Variants in PSD4 observed in about 807,000 individuals in gnomAD.
The protein encoded by PSD4 is PH and SEC7 domain-containing protein 4.
In PSD4, 59 loss-of-function variants were observed where a neutral mutation model predicts 112.5. The ratio of observed to expected loss-of-function variants is 0.52; its 90% CI spans 0.43 to 0.65. The LOEUF (loss-of-function observed/expected upper bound fraction) is 0.65, where lower values mean the gene tolerates loss of function less well. Ranked by LOEUF, PSD4 falls within the 30% of genes least tolerant of loss-of-function variation. The pLI is 0.00. For missense variants in PSD4, 1,267 were observed against 1,352.6 expected, an observed-to-expected ratio of 0.94 and a Z score of 0.99; for synonymous variants, 533 against 540.0, an observed-to-expected ratio of 0.99 and a Z score of 0.18.
intron 5 of PSD4, among the ~76,000 whole-genome samples, chr2:113,188,320 T>C (rs1303708910): frequency 2.0e-5 from 3 of 152,226 alleles, no homozygotes; most frequent in Non-Finnish European, 4.4e-5. Context: ...CTTGGCTCAC[T>C]GCAACCTCTG....
chr2:113,179,714 G>C (rs1688077624), intron 1 of PSD4, among the ~76,000 whole-genome samples: 1 of 152,156 alleles, frequency 6.6e-6, no homozygotes, highest in Non-Finnish European at 1.5e-5. Context: ...AGCCACTCTG[G>C]TTCAAACATC....
At chr2:113,196,113 G>A in intron 11 of PSD4, 34 bp from the exon 12 acceptor site, 2 of 1,593,144 alleles carry the variant, frequency 1.3e-6, no homozygotes, top group South Asian at 1.1e-5. Context: ...TCTTTGCATA[G>A]TCAGCACTTC....
At position 113,193,640 on chromosome 2, in the gene PSD4, T is replaced by A. The variant is rs747616312; in HGVS notation, c.2081T>A (p.Leu694Gln). The A allele has an allele frequency of 6.2e-7, 1 of 1,613,528 alleles. No homozygotes were observed. Among genetic ancestry groups the A allele is most frequent in the South Asian group, 1.1e-5 (1 of 91,072 alleles). The change falls in exon 9 of 17, where the codon CTG (leucine) becomes CAG (glutamine). Residue 694 changes from leucine to glutamine, a missense_variant. Leu to Gln is a moderately radical substitution (Grantham distance 113, BLOSUM62 -2). Around this residue, in one of 2 missense-constraint regions of PSD4, gnomAD observed 544 missense variants for 648.6 expected, o/e 0.84. Coordinates refer to ENST00000245796, the MANE Select transcript of PSD4 (RefSeq NM_012455.3). ...GCAATCATGCTGCTTAACACGGACCTGCATGGACAGGTAAGACGGTGGAGA... is the reference window on the plus strand; with the variant it reads ...GCAATCATGCTGCTTAACACGGACCAGCATGGACAGGTAAGACGGTGGAGA... ...TCAIMLLNTD[L>Q]HGQNIGKSMS...
intron 1 of PSD4, among the ~76,000 whole-genome samples, chr2:113,177,122 T>TTTGGC (rs934320614): frequency 2.5e-4 from 38 of 152,214 alleles, no homozygotes; most frequent in African/African-American, 7.2e-4. Flanking sequence ...ACAGGGACAT[T>TTTGGC]TTGGCTGCTG....
At chr2:113,187,334 A>T (rs546690000) in intron 5 of PSD4, among the ~76,000 whole-genome samples, 108 of 152,260 alleles carry the variant, frequency 7.1e-4, no homozygotes, top group South Asian at 1.9e-3. Flanking sequence ...TGGTCCTCCT[A>T]TACCTCCTTG....
rs185760855 is a variant in PSD4 at position 113,192,320 on chromosome 2, T to A, written c.1629-60T>A. 5 of 1,549,406 alleles carry A rather than the reference T, an allele frequency of 3.2e-6. No homozygotes were observed. The East Asian group carries it at 9.0e-5, about 28-fold the overall frequency. On this transcript the variant is annotated intron_variant, in intron 5 of 16. Coordinates refer to ENST00000245796, the MANE Select transcript of PSD4 (RefSeq NM_012455.3). ...ATTCAAGGCGCTGAGCTCGGGGAAC[T>A]CTTGCCACAACTGACCTGCAAGAAC... is the stretch of plus-strand genomic sequence containing the variant.
chr2:113,184,960 G>C lies in PSD4; in HGVS notation c.1060G>C (p.Asp354His), dbSNP rs1410882397. 1 of 1,614,104 alleles carries C rather than the reference G, an allele frequency of 6.2e-7. No individual in the cohort carries two copies. The highest frequency in any genetic ancestry group is 1.7e-5 in the Admixed American group (1 of 60,030). Residue 354 changes from aspartate (D) to histidine (H), a missense_variant, in exon 3 of 17, where the codon GAT becomes CAT. Coordinates refer to ENST00000245796, the MANE Select transcript of PSD4 (RefSeq NM_012455.3). ...TGTCTCTCTCTCGACTTCTCAGGGA[G>C]ATAGGCTTGGTCCTGCTCCATCTGC... The part of the protein sequence containing the change: ...APPGHGESEG[D>H]RLGPAPSAAP...
intron 5 of PSD4, among the ~76,000 whole-genome samples, chr2:113,190,446 AT>A (rs1236786919): frequency 1.3e-5 from 2 of 151,940 alleles, no homozygotes; most frequent in Non-Finnish European, 2.9e-5. Context: ...TATTATTATT[AT>A]TTTTTTGAGA....
At chr2:113,193,537 A>T in intron 8 of PSD4, 55 bp from the exon 9 acceptor site, 1 of 1,574,498 alleles carries the variant, frequency 6.4e-7, no homozygotes, top group Non-Finnish European at 8.7e-7. Flanking sequence ...GGGCAGAGGA[A>T]ACAGGAGCCC....
At chr2:113,179,016 T>C (rs1412878069) in intron 1 of PSD4, among the ~76,000 whole-genome samples, 1 of 152,122 alleles carries the variant, frequency 6.6e-6, no homozygotes, top group Non-Finnish European at 1.5e-5. Flanking sequence ...AATAAACATG[T>C]CTTCCTAGTC....
chr2:113,199,004 A>T (rs904998739), intron 15 of PSD4, 79 bp from the exon 16 acceptor site: 8 of 1,509,700 alleles, frequency 5.3e-6, no homozygotes, highest in African/African-American at 1.4e-5. Context: ...CGAGGCGGCC[A>T]GGGGGGCGGC....
In PSD4 at chr2:113,183,529, G is replaced by T; in HGVS notation, c.1056+17G>T. 1 of 1,534,490 alleles carries T rather than the reference G, an allele frequency of 6.5e-7. No individual in the cohort carries two copies. Among genetic ancestry groups the T allele is most frequent in the African/African-American group, 1.4e-5 (1 of 72,404 alleles). The stretch of plus-strand genomic sequence containing the variant: ...GAGAGTGAGGTAAGCCCAGTCTTGG[G>T]AACCAACCGGGGCTGTGCTGGGAAC... On this transcript the variant is annotated intron_variant, in intron 2 of 16. Transcript: ENST00000245796.
intron 12 of PSD4, 44 bp from the exon 13 acceptor site, chr2:113,197,520 C>T (rs191920942): frequency 1.9e-6 from 3 of 1,608,696 alleles, no homozygotes; most frequent in Non-Finnish European, 2.6e-6. Flanking sequence ...TGTCTGGATG[C>T]TGGTGCCCCC....
In PSD4 at chr2:113,182,883, AG is replaced by A; in HGVS notation, c.428del (p.Ser143ThrfsTer12). ...ACCAGTGAACAGCCATCTACCGGGGAGCCCAAAGCAGAACCGGAGCACGTCC... is the reference window on the plus strand; with the variant it reads ...ACCAGTGAACAGCCATCTACCGGGGACCCAAAGCAGAACCGGAGCACGTCC... ...GSPVNSHLPG[S>X]PKQNRSTSTQ... On this transcript the variant is annotated frameshift_variant, in exon 2 of 17. Coordinates refer to ENST00000245796, the MANE Select transcript of PSD4 (RefSeq NM_012455.3). LOFTEE classifies it high-confidence loss of function. 1 of 1,614,206 alleles carries A rather than the reference AG, an allele frequency of 6.2e-7. No individual in the cohort carries two copies. Among genetic ancestry groups the A allele is most frequent in the Non-Finnish European group, 8.5e-7 (1 of 1,180,030 alleles).
intron 5 of PSD4, among the ~76,000 whole-genome samples, chr2:113,190,401 T>G (rs45520433): frequency 0.029 from 4,347 of 152,308 alleles, 240 homozygotes; most frequent in East Asian, 0.23. Context: ...ATGAGTGAAT[T>G]GGGCGGTATG....
chr2:113,203,386 C>T lies in PSD4; in HGVS notation c.*1971C>T, dbSNP rs1688817687. 1 of 152,038 alleles carries T rather than the reference C, an allele frequency of 6.6e-6. No individual in the cohort carries two copies. The highest frequency in any genetic ancestry group is 1.5e-5 in the Non-Finnish European group (1 of 68,024). The allele number at this position is 152,038 out of a possible 1,614,324, so 9.4% of individuals were successfully genotyped here. A position where few individuals can be genotyped will look rare whatever the true frequency, so the allele number is the denominator to read the frequency against. On this transcript the variant is annotated 3_prime_UTR_variant, in exon 17 of 17. Transcript: ENST00000245796. Reference sequence around the variant, plus strand: ...GGGATAGATAAATATGTTTAAAGCTCCTTGGGTAATTCTGATGTGTAAGTA... The same window carrying T: ...GGGATAGATAAATATGTTTAAAGCTTCTTGGGTAATTCTGATGTGTAAGTA...
chr2:113,185,878 T>G lies in PSD4; in HGVS notation c.1251T>G (p.Asp417Glu), dbSNP rs1040168966. ...GCCTCACTTCATGTTCTTCCTCAGA[T>G]GAGAGGGAGGGTGGACACCCCCAGG... ...PQVTLNSQDRDEREGGHPQES... is the reference protein window; with the variant it reads ...PQVTLNSQDREEREGGHPQES... Residue 417 changes from aspartate (D) to glutamate (E), a missense_variant and splice_region_variant, in exon 5 of 17, where the codon GAT (aspartate) becomes GAG (glutamate). This residue lies in a region of PSD4 where 723 missense variants were observed against 704.0 expected (regional missense o/e 1.03). Transcript: ENST00000245796. 1 of 1,609,728 alleles carries G rather than the reference T, an allele frequency of 6.2e-7. No homozygotes were observed. The highest frequency in any genetic ancestry group is 1.1e-5 in the South Asian group (1 of 90,346).
At chr2:113,191,666 C>T (rs1284896165) in intron 5 of PSD4, among the ~76,000 whole-genome samples, 1 of 152,184 alleles carries the variant, frequency 6.6e-6, no homozygotes, top group Non-Finnish European at 1.5e-5. Context: ...CTGGAATACC[C>T]CACACTTGAT....
rs1355479500 is a variant in PSD4 at position 113,185,068 on chromosome 2, C to A, written c.1168C>A (p.Pro390Thr). 1.2e-6 allele frequency: 2 copies of A among 1,614,206 alleles called. No homozygotes were observed. The highest frequency in any genetic ancestry group is 3.3e-5 in the Admixed American group (2 of 60,030). The change falls in exon 3 of 17, where the codon CCT (proline) becomes ACT (threonine). Residue 390 changes from proline (P) to threonine (T), a missense_variant. This residue lies in a region of PSD4 where 723 missense variants were observed against 704.0 expected (regional missense o/e 1.03). Transcript: ENST00000245796. The stretch of plus-strand genomic sequence containing the variant: ...TGGCCCTGCTGCACATCCTGTGCAA[C>A]CTTGGGCAAGTCACTTCCCCTTTCT... ...DLGPAAHPVQ[P>T]WASLSPEGWQ...
Sources: allele counts gnomAD v4.1 joint callset (sites outside exome capture counted in the v4.1 genomes callset), GRCh38; gene constraint gnomAD v4.1.1; regional missense constraint gnomAD v4.1.1; transcripts MANE v1.5; gene names NCBI Gene and HGNC (gene_info 2026-07-23, HGNC 2026-07-21).